The following SGCD variants were observed in gnomAD, a reference collection of about 807,000 sequenced individuals.
SGCD encodes the protein delta-sarcoglycan.
Under a neutral mutation model 36.6 loss-of-function variants are expected in SGCD, and 18 were observed. The observed-to-expected ratio is 0.49, with a 90% CI of 0.34 to 0.73. The LOEUF is 0.73. Among genes scored for constraint, SGCD ranks in the 30% least tolerant of loss-of-function variants. The pLI is 0.01. For missense variants in SGCD, 387 were observed against 346.7 expected (o/e 1.12, Z -0.92); for synonymous variants, 133 against 130.6 (o/e 1.02, Z -0.12).
chr5:156,601,883 G>A (rs113025762), intron 6 of SGCD, among the ~76,000 whole-genome samples: 5,415 of 152,104 alleles, frequency 0.036, 321 homozygotes, highest in African/African-American at 0.12. Flanking sequence ...GGGTTTCACC[G>A]TGTTAGCCAG....
chr5:156,554,534 G>A (rs1222112219), intron 4 of SGCD, among the ~76,000 whole-genome samples: 1 of 150,748 alleles, frequency 6.6e-6, no homozygotes, highest in Non-Finnish European at 1.5e-5. Context: ...ATATATGTGT[G>A]TGTGTTATAT....
intron 2 of SGCD, among the ~76,000 whole-genome samples, chr5:156,331,369 T>A (rs1054886136): frequency 9.2e-5 from 14 of 152,212 alleles, no homozygotes; most frequent in African/African-American, 3.1e-4. Flanking sequence ...GAGGAACATG[T>A]CACCGTGGTT....
chr5:156,505,329 G>A (rs756887052), intron 3 of SGCD, among the ~76,000 whole-genome samples: 5 of 152,156 alleles, frequency 3.3e-5, no homozygotes, highest in Admixed American at 6.5e-5. Context: ...TGGCATAGAG[G>A]AACAATTTTG....
chr5:156,157,233 G>A (rs990468824), intron 3 of SGCD, among the ~76,000 whole-genome samples: 1 of 151,736 alleles, frequency 6.6e-6, no homozygotes, highest in Non-Finnish European at 1.5e-5. Flanking sequence ...CTGACTCTAT[G>A]ACAGAACTGG....
At chr5:156,531,703 A>G (rs892591085) in intron 4 of SGCD, among the ~76,000 whole-genome samples, 1 of 152,228 alleles carries the variant, frequency 6.6e-6, no homozygotes, top group South Asian at 2.1e-4. Context: ...TAAATCGCCC[A>G]CAAAATATAG....
intron 3 of SGCD, among the ~76,000 whole-genome samples, chr5:156,198,685 T>A: frequency 6.6e-6 from 1 of 152,064 alleles, no homozygotes; most frequent in Middle Eastern, 3.2e-3. Flanking sequence ...GCTACAGAAT[T>A]TCTTACTTGG....
intron 4 of SGCD, among the ~76,000 whole-genome samples, chr5:156,538,169 G>A (rs2113134693): frequency 6.6e-6 from 1 of 152,210 alleles, no homozygotes; most frequent in East Asian, 1.9e-4. Context: ...TTCCACTGGA[G>A]GTTATGGTAA....
chr5:155,966,217 C>T (rs530720790), intron 1 of SGCD, among the ~76,000 whole-genome samples: 1 of 152,190 alleles, frequency 6.6e-6, no homozygotes, highest in South Asian at 2.1e-4. Context: ...AACGTGAGAC[C>T]ACATCACCTT....
In SGCD at chr5:156,251,461, A is replaced by T. The variant is rs377540552; in HGVS notation, c.-43-78073A>T. 2.8e-4 allele frequency among the ~76,000 whole-genome samples: 43 copies of T among 152,178 alleles called. 1 individual carries two copies. In the East Asian group the frequency reaches 5.4e-3, roughly 19 times the overall value. On this transcript the variant is annotated intron_variant, in intron 3 of 9. Transcript: ENST00000517913. ...CTCATAAATAAGTACCTATGAAAATATACAGAATTATTCAGTGTTTTGTAT... is the reference window on the plus strand; with the variant it reads ...CTCATAAATAAGTACCTATGAAAATTTACAGAATTATTCAGTGTTTTGTAT...
chr5:156,574,838 C>G (rs1271024512), intron 4 of SGCD, among the ~76,000 whole-genome samples: 2 of 152,196 alleles, frequency 1.3e-5, no homozygotes, highest in African/African-American at 4.8e-5. Context: ...TTTATCCAAA[C>G]TTTTCCTGAA....
intron 4 of SGCD, among the ~76,000 whole-genome samples, chr5:156,541,400 C>T (rs921590579): frequency 2.6e-5 from 4 of 151,944 alleles, no homozygotes; most frequent in Admixed American, 6.6e-5. Context: ...GGGAGCTCCT[C>T]GGTGGTTCAG....
At chr5:155,997,030 C>T (rs10059344) in intron 1 of SGCD, among the ~76,000 whole-genome samples, 3,912 of 151,962 alleles carry the variant, frequency 0.026, 144 homozygotes, top group African/African-American at 0.084. Context: ...GTATTCTAGC[C>T]ATGACTTTGG....
chr5:156,679,466 A>G (rs1451332283), intron 7 of SGCD, among the ~76,000 whole-genome samples: 1 of 152,194 alleles, frequency 6.6e-6, no homozygotes, highest in Non-Finnish European at 1.5e-5. Context: ...GCCTGTCTAC[A>G]CATACATACA....
At chr5:156,448,697 G>A (rs1260536512) in intron 3 of SGCD, among the ~76,000 whole-genome samples, 1 of 145,232 alleles carries the variant, frequency 6.9e-6, no homozygotes, top group Non-Finnish European at 1.5e-5. Flanking sequence ...TCCATGGGTT[G>A]CTTAAAGGGT....
the SGCD span, among the ~76,000 whole-genome samples, chr5:155,851,224 A>G: frequency 6.6e-6 from 1 of 152,176 alleles, no homozygotes; most frequent in African/African-American, 2.4e-5. Flanking sequence ...TTCGGGATTC[A>G]TCTTTAATAT....
intron 1 of SGCD, among the ~76,000 whole-genome samples, chr5:155,907,135 C>T (rs574144215): frequency 6.6e-6 from 1 of 151,922 alleles, no homozygotes; most frequent in Non-Finnish European, 1.5e-5. Flanking sequence ...AATGGAACAG[C>T]AAAGCCTAGC....
At chr5:156,095,344 C>T (rs1417733953) in intron 1 of SGCD, among the ~76,000 whole-genome samples, 2 of 152,100 alleles carry the variant, frequency 1.3e-5, no homozygotes, top group Non-Finnish European at 2.9e-5. Flanking sequence ...CCCGGTCTAT[C>T]TATTTTGATA....
chr5:155,821,419 TTC>T, the SGCD span, among the ~76,000 whole-genome samples: 1 of 151,944 alleles, frequency 6.6e-6, no homozygotes, highest in Non-Finnish European at 1.5e-5. Flanking sequence ...GTTCACCCCA[TTC>T]TCTTGCCTCA....
At chr5:155,828,271 A>G in the SGCD span, among the ~76,000 whole-genome samples, 2 of 152,150 alleles carry the variant, frequency 1.3e-5, no homozygotes, top group Admixed American at 6.6e-5. Flanking sequence ...AAGGGTAGGT[A>G]ATTATCCTTG....
Sources: gnomAD v4.1 joint callset for allele counts (sites outside exome capture counted in the v4.1 genomes callset) on GRCh38, gnomAD v4.1.1 for gene constraint, MANE v1.5 for transcripts, NCBI Gene and HGNC (gene_info 2026-07-23, HGNC 2026-07-21) for gene names.